The following MAGI2 variants were observed in gnomAD, a reference collection of about 807,000 sequenced individuals.
The protein encoded by MAGI2 is membrane-associated guanylate kinase, WW and PDZ domain-containing protein 2.
A neutral mutation model predicts 133.3 loss-of-function variants in MAGI2; 35 were observed. The observed-to-expected ratio is 0.26, with a 90% CI of 0.20 to 0.35. MAGI2 has a LOEUF of 0.35. Ranked by LOEUF, MAGI2 falls within the 10% of genes least tolerant of loss-of-function variation. The pLI is 1.00. For synonymous variants in MAGI2, 729 were observed against 710.6 expected, an observed-to-expected ratio of 1.03 and a Z score of -0.41; for missense variants, 1,636 against 1,863.4, an observed-to-expected ratio of 0.88 and a Z score of 2.25.
intron 1 of MAGI2, among the ~76,000 whole-genome samples, chr7:79,024,098 A>G (rs1361633401): frequency 1.3e-5 from 2 of 152,188 alleles, no homozygotes; most frequent in African/African-American, 4.8e-5. Context: ...ACAAGGCTAC[A>G]TTCACCAAAA....
chr7:79,124,987 A>G, intron 1 of MAGI2: 1 of 274,542 alleles, frequency 3.6e-6, no homozygotes, highest in South Asian at 4.0e-5. Flanking sequence ...GAGTTGTGGA[A>G]GCAAAGAGGG....
At chr7:78,507,205 C>CA (rs139504416) in intron 4 of MAGI2, among the ~76,000 whole-genome samples, 8 of 151,456 alleles carry the variant, frequency 5.3e-5, no homozygotes, top group African/African-American at 1.2e-4. Context: ...CAAAATAAGA[C>CA]AAAAAAAATG....
chr7:78,690,559 T>C (rs1321296218), intron 2 of MAGI2, among the ~76,000 whole-genome samples: 3 of 152,204 alleles, frequency 2.0e-5, no homozygotes, highest in African/African-American at 7.2e-5. Context: ...TAGAGAGTAA[T>C]TCTAGCACAT....
intron 3 of MAGI2, among the ~76,000 whole-genome samples, chr7:78,609,909 A>G (rs903754164): frequency 2.0e-5 from 3 of 152,038 alleles, no homozygotes; most frequent in Non-Finnish European, 4.4e-5. Flanking sequence ...CAAAGTTTCC[A>G]GGTGGCCATC....
intron 1 of MAGI2, among the ~76,000 whole-genome samples, chr7:79,373,531 C>T (rs901755787): frequency 6.6e-6 from 1 of 151,874 alleles, no homozygotes; most frequent in African/African-American, 2.4e-5. Flanking sequence ...TATTATCTAG[C>T]ACAAAATAAA....
chr7:78,208,632 A>G (rs1046026431), intron 10 of MAGI2, among the ~76,000 whole-genome samples: 3 of 152,166 alleles, frequency 2.0e-5, no homozygotes, highest in Middle Eastern at 3.2e-3. Context: ...GAAGGCAATC[A>G]ATACTTGCAA....
rs368273988 is a variant in MAGI2, at chr7:78,242,999, G to A, written c.2047+12944C>T. 1.6e-4 allele frequency among the ~76,000 whole-genome samples: 24 copies of A among 152,186 alleles called. 1 individual carries two copies. The highest frequency in any genetic ancestry group is 1.2e-3 in the East Asian group (6 of 5,180). On this transcript the variant is annotated intron_variant, in intron 10 of 21. Transcript: ENST00000354212. ...AGGTGGGGGGATCGCTTGAGCCCAG[G>A]AGGTCAAGGCAGCAGTGAACTGTGA...
At chr7:78,907,499 G>C (rs567079450) in intron 2 of MAGI2, among the ~76,000 whole-genome samples, 1 of 152,012 alleles carries the variant, frequency 6.6e-6, no homozygotes, top group Non-Finnish European at 1.5e-5. Context: ...TTCCAAGCTC[G>C]CTAAGTGAAA....
intron 1 of MAGI2, chr7:79,354,310 C>T (rs1012955118): frequency 2.6e-5 from 4 of 152,604 alleles, no homozygotes; most frequent in African/African-American, 9.6e-5. Flanking sequence ...CAACTGGAAC[C>T]AGTCCCTGAG....
intron 1 of MAGI2, among the ~76,000 whole-genome samples, chr7:79,191,900 C>A (rs1425510280): frequency 6.6e-6 from 1 of 151,758 alleles, no homozygotes; most frequent in African/African-American, 2.4e-5. Flanking sequence ...GCATCTCTAA[C>A]TTCTTTCTGG....
chr7:78,368,663 C>T (rs1793622621), intron 7 of MAGI2, among the ~76,000 whole-genome samples: 1 of 151,888 alleles, frequency 6.6e-6, no homozygotes, highest in African/African-American at 2.4e-5. Context: ...TGCAATGTAA[C>T]CTCCAATAGG....
chr7:78,119,557 CAAAAAAAAAAAAAAAAA>C (rs1166809821), intron 20 of MAGI2, among the ~76,000 whole-genome samples: 2 of 48,916 alleles, frequency 4.1e-5, no homozygotes, highest in Admixed American at 3.1e-4. Context: ...TGAGACTCCT[CAAAAAAAAAAAAAAAAA>C]AAAAAAAAAG....
intron 20 of MAGI2, among the ~76,000 whole-genome samples, chr7:78,115,638 A>T (rs1309371838): frequency 2.2e-5 from 1 of 45,360 alleles, no homozygotes; most frequent in Non-Finnish European, 6.3e-5. Flanking sequence ...GGAAAATAAA[A>T]GAAATAACCT....
At chr7:78,841,142 T>C (rs185383630) in intron 2 of MAGI2, among the ~76,000 whole-genome samples, 222 of 149,030 alleles carry the variant, frequency 1.5e-3, no homozygotes, top group Non-Finnish European at 2.6e-3. Flanking sequence ...CTTTGAAAAA[T>C]TACCTACACT....
intron 2 of MAGI2, among the ~76,000 whole-genome samples, chr7:78,931,978 G>T (rs1047097170): frequency 4.0e-5 from 6 of 150,106 alleles, no homozygotes; most frequent in Admixed American, 4.0e-4. Flanking sequence ...TCCTGTGATG[G>T]GTCATAGTCA....
chr7:78,938,542 A>C (rs1208974152), intron 2 of MAGI2, among the ~76,000 whole-genome samples: 1 of 152,152 alleles, frequency 6.6e-6, no homozygotes, highest in Non-Finnish European at 1.5e-5. Flanking sequence ...ATAAGAAATG[A>C]TACATGATTG....
At chr7:78,382,165 T>A (rs932332276) in intron 6 of MAGI2, among the ~76,000 whole-genome samples, 7 of 142,380 alleles carry the variant, frequency 4.9e-5, no homozygotes, top group Admixed American at 1.5e-4. Context: ...GCAGATCATA[T>A]TGTTAAACAA....
At chr7:79,426,022 AT>A (rs1353490244) in intron 1 of MAGI2, among the ~76,000 whole-genome samples, 1 of 152,194 alleles carries the variant, frequency 6.6e-6, no homozygotes, top group African/African-American at 2.4e-5. Flanking sequence ...ACAGAATCTA[AT>A]CGGATGGTCT....
intron 1 of MAGI2, among the ~76,000 whole-genome samples, chr7:79,253,208 TTA>T (rs1161030796): frequency 6.6e-6 from 1 of 152,200 alleles, no homozygotes; most frequent in Non-Finnish European, 1.5e-5. Context: ...TATTCCTATA[TTA>T]TATGTTTCCC....
Sources: gnomAD v4.1 joint callset for allele counts (sites outside exome capture counted in the v4.1 genomes callset) on GRCh38, gnomAD v4.1.1 for gene constraint, MANE v1.5 for transcripts, NCBI Gene and HGNC (gene_info 2026-07-23, HGNC 2026-07-21) for gene names.